The following DNAH17 variants were observed in gnomAD, a reference collection of about 807,000 sequenced individuals.
DNAH17 encodes the protein axonemal beta dynein heavy chain 17.
Under a neutral mutation model 485.6 loss-of-function variants are expected in DNAH17, and 376 were observed. That is an observed-to-expected ratio of 0.77 (90% CI 0.71 to 0.84). DNAH17 has a LOEUF of 0.84. DNAH17 is among the 40% of genes least tolerant of loss of function. The pLI, the probability that DNAH17 is intolerant of heterozygous loss-of-function variation, is 0.00. For synonymous variants in DNAH17, 3,031 were observed against 2,405.9 expected, an observed-to-expected ratio of 1.26 and a Z score of -7.60; for missense variants, 6,370 against 5,839.3, an observed-to-expected ratio of 1.09 and a Z score of -2.96.
Position 78,490,840 on chromosome 17 carries a change from G to T in DNAH17, c.6677C>A (p.Thr2226Asn), listed in dbSNP as rs1360776467. 2 of 1,598,566 alleles carry T rather than the reference G, an allele frequency of 1.3e-6. No individual in the cohort carries two copies. The highest frequency in any genetic ancestry group is 4.5e-5 in the East Asian group (2 of 44,168). Residue 2226 changes from threonine to asparagine, a missense_variant, in exon 44 of 81, where the codon ACC (threonine) becomes AAC (asparagine). Coordinates refer to ENST00000389840, the MANE Select transcript of DNAH17 (RefSeq NM_173628.4). ...NTVMDDNKVLTLASNERIPLN... is the reference protein window; with the variant it reads ...NTVMDDNKVLNLASNERIPLN... ...GGGGATCCGCTCGTTGCTGGCCAGG[G>T]TGAGGACCTAGGAGGGGGACAGCAG...
chr17:78,488,031 G>A (rs1460176574), intron 44 of DNAH17, among the ~76,000 whole-genome samples: 1 of 152,204 alleles, frequency 6.6e-6, no homozygotes, highest in Non-Finnish European at 1.5e-5. Flanking sequence ...AGTCCAGTTG[G>A]TCTTCAGTAG....
chr17:78,489,358 C>A (rs552620568), intron 44 of DNAH17: 1 of 152,362 alleles, frequency 6.6e-6, no homozygotes, highest in Non-Finnish European at 1.5e-5. Context: ...TACAAAGCTT[C>A]ATTCCTCTTG....
chr17:78,522,288 C>CA, intron 25 of DNAH17: 1 of 244,722 alleles, frequency 4.1e-6, no homozygotes. Flanking sequence ...ACAGTACCTC[C>CA]ACTGAGAATG....
intron 31 of DNAH17, among the ~76,000 whole-genome samples, chr17:78,504,822 G>A (rs1838300314): frequency 6.7e-6 from 1 of 148,666 alleles, no homozygotes; most frequent in Admixed American, 6.7e-5. Context: ...TGGCAGTTCA[G>A]AGATGTGCAA....
intron 9 of DNAH17, among the ~76,000 whole-genome samples, chr17:78,568,002 T>A (rs929046505): frequency 2.6e-5 from 4 of 152,062 alleles, no homozygotes; most frequent in African/African-American, 7.2e-5. Flanking sequence ...TTCTCCCAGG[T>A]CCACGAAGCA....
At chr17:78,533,199 C>T (rs186948525) in intron 19 of DNAH17, 19 of 185,482 alleles carry the variant, frequency 1.0e-4, no homozygotes, top group African/African-American at 3.1e-4. Context: ...GCTCTCACTG[C>T]GTACCACATG....
chr17:78,445,326 G>A (rs2087239796), intron 70 of DNAH17, among the ~76,000 whole-genome samples: 1 of 152,086 alleles, frequency 6.6e-6, no homozygotes, highest in Non-Finnish European at 1.5e-5. Flanking sequence ...CTTGCTGTGT[G>A]CAGGTCTCAG....
chr17:78,493,019 T>C (rs909741188), intron 41 of DNAH17: 4 of 310,816 alleles, frequency 1.3e-5, no homozygotes, highest in Admixed American at 4.7e-5. Context: ...CCCGGCTAAT[T>C]TTTGTACTTT....
Position 78,514,758 on chromosome 17 carries a change from C to T in DNAH17, c.4113+16G>A, listed in dbSNP as rs2090735348. The T allele has an allele frequency of 6.2e-7, 1 of 1,612,074 alleles. No homozygotes were observed. The highest frequency in any genetic ancestry group is 8.5e-7 in the Non-Finnish European group (1 of 1,178,714). ...CGCCAGGGGCGGTCCCCTCCGCCCACCATGGTGCATGGTACCTGGGTGGCC... is the reference window on the plus strand; with the variant it reads ...CGCCAGGGGCGGTCCCCTCCGCCCATCATGGTGCATGGTACCTGGGTGGCC... On this transcript the variant is annotated intron_variant, in intron 26 of 80. Coordinates refer to ENST00000389840, the MANE Select transcript of DNAH17 (RefSeq NM_173628.4).
intron 65 of DNAH17, 39 bp from the exon 66 acceptor site, chr17:78,451,712 G>A (rs1024198500): frequency 2.0e-6 from 3 of 1,505,356 alleles, no homozygotes. Context: ...GGGCCTCCCA[G>A]TGACCAGGGG....
At chr17:78,524,855 G>A (rs959464865) in intron 25 of DNAH17, among the ~76,000 whole-genome samples, 154 bp downstream of exon 25, 8 of 152,160 alleles carry the variant, frequency 5.3e-5, no homozygotes, top group South Asian at 2.1e-4. Context: ...CCCACCTCGC[G>A]ATCTCAGGGC....
At chr17:78,562,852 G>T (rs554282825) in intron 11 of DNAH17, among the ~76,000 whole-genome samples, 11 of 152,200 alleles carry the variant, frequency 7.2e-5, no homozygotes, top group Non-Finnish European at 1.2e-4. Flanking sequence ...CAGACCAAGT[G>T]GGAGGGGGAC....
Position 78,427,101 on chromosome 17 carries a change from G to T in DNAH17, c.12596C>A (p.Ala4199Asp). Reference protein sequence around the residue: ...TGVSREEKVKAVLDDILEKIP... With the variant: ...TGVSREEKVKDVLDDILEKIP... ...CTTCTCCAGGATGTCGTCCAGCACG[G>T]CCTTCACCTGGAAGCCAGTCCCCGG... is the stretch of plus-strand genomic sequence containing the variant. The change falls in exon 78 of 81, where the codon GCC becomes GAC. Residue 4199 changes from alanine to aspartate, a missense_variant. By Grantham distance (126) the Ala-to-Asp change is moderately radical (BLOSUM62 -2). Coordinates refer to ENST00000389840, the MANE Select transcript of DNAH17 (RefSeq NM_173628.4). The T allele has an allele frequency of 6.4e-7, 1 of 1,571,176 alleles. No homozygotes were observed. The highest frequency in any genetic ancestry group is 8.6e-7 in the Non-Finnish European group (1 of 1,158,494).
At chr17:78,544,509 T>A (rs1430281811) in intron 16 of DNAH17, among the ~76,000 whole-genome samples, 1 of 151,932 alleles carries the variant, frequency 6.6e-6, no homozygotes, top group African/African-American at 2.4e-5. Flanking sequence ...ACCACAAGGG[T>A]GGTGGCCACT....
chr17:78,459,553 G>A (rs1326443739), intron 60 of DNAH17, among the ~76,000 whole-genome samples: 1 of 152,230 alleles, frequency 6.6e-6, no homozygotes, highest in Non-Finnish European at 1.5e-5. Context: ...TCTCACAGGT[G>A]CTGCTGACCT....
chr17:78,454,189 C>A (rs946750592), intron 64 of DNAH17, among the ~76,000 whole-genome samples: 1 of 152,236 alleles, frequency 6.6e-6, no homozygotes, highest in South Asian at 2.1e-4. Flanking sequence ...CAGCCTCAAA[C>A]CTCCCAGCCA....
At chr17:78,495,514 T>C (rs2090038602) in intron 38 of DNAH17, among the ~76,000 whole-genome samples, 2 of 150,696 alleles carry the variant, frequency 1.3e-5, no homozygotes, top group African/African-American at 4.9e-5. Flanking sequence ...CCCGGCTCAC[T>C]GCAACCTCCG....
rs555197985 is a variant in DNAH17 at position 78,571,626 on chromosome 17, G to A, written c.696C>T (p.Asp232=). Residue 232 remains aspartate (D), a synonymous_variant, in exon 4 of 81, where the codon GAC becomes GAT. Transcript: ENST00000389840. The part of the protein sequence containing the change: ...PLPQVEFEFW[D]TRLLNLKCIH... ...TGCACTTGAGGTTCAGCAGCCGAGTGTCCCAGAACTCGAACTCCACTTGGG... is the reference window on the plus strand; with the variant it reads ...TGCACTTGAGGTTCAGCAGCCGAGTATCCCAGAACTCGAACTCCACTTGGG... 53 of 1,613,964 alleles carry A rather than the reference G, an allele frequency of 3.3e-5. No individual in the cohort carries two copies. Among genetic ancestry groups the A allele is most frequent in the East Asian group, 2.0e-4 (9 of 44,874 alleles).
At chr17:78,532,814 G>A (rs1329381808) in intron 19 of DNAH17, 78 bp from the exon 20 acceptor site, 1 of 1,438,228 alleles carries the variant, frequency 7.0e-7, no homozygotes, top group South Asian at 1.4e-5. Context: ...TCTCGGCCTT[G>A]AGAAGTGGTT....
Sources: allele counts gnomAD v4.1 joint callset (sites outside exome capture counted in the v4.1 genomes callset), GRCh38; gene constraint gnomAD v4.1.1; transcripts MANE v1.5; gene names NCBI Gene and HGNC (gene_info 2026-07-23, HGNC 2026-07-21).